Variants in CNTLN observed in about 807,000 individuals in gnomAD.
CNTLN encodes centlein.
In CNTLN, 212 loss-of-function variants were observed where a neutral mutation model predicts 180.0. That is an observed-to-expected ratio of 1.18 (90% CI 1.05 to 1.32). The LOEUF is 1.32. Ranked by LOEUF, CNTLN falls within the 40% of genes most tolerant of loss-of-function variation. The probability of loss-of-function intolerance (pLI) is 0.00; values close to 1 mark genes in which losing one functional copy is unlikely to be tolerated. For missense variants in CNTLN, 2,095 were observed against 1,610.9 expected (o/e 1.30, Z -5.14); for synonymous variants, 722 against 563.1 (o/e 1.28, Z -3.99).
chr9:17,353,622 C>T (rs1283190933), intron 12 of CNTLN, among the ~76,000 whole-genome samples: 8 of 146,020 alleles, frequency 5.5e-5, no homozygotes, highest in Non-Finnish European at 1.0e-4. Context: ...TTAACTGAGA[C>T]GGGGTCTTGC....
At chr9:17,387,922 T>C (rs1825806682) in intron 13 of CNTLN, among the ~76,000 whole-genome samples, 1 of 144,974 alleles carries the variant, frequency 6.9e-6, no homozygotes, top group African/African-American at 2.5e-5. Context: ...TGAAGATCTA[T>C]TGTACTTTTG....
chr9:17,385,230 C>A (rs1443181702), intron 13 of CNTLN, among the ~76,000 whole-genome samples: 2 of 152,186 alleles, frequency 1.3e-5, no homozygotes, highest in African/African-American at 4.8e-5. Context: ...ATGTGTTCAC[C>A]AACTTGGAAT....
At position 17,135,135 on chromosome 9, in the gene CNTLN, C is replaced by T; in HGVS notation, c.70C>T (p.Arg24Cys). The change falls in exon 1 of 26, where the codon CGT (arginine) becomes TGT (cysteine). Residue 24 changes from arginine (R) to cysteine (C), a missense_variant. Coordinates refer to ENST00000380647, the MANE Select transcript of CNTLN (RefSeq NM_017738.4). ...PARQLGPRSP[R>C]VGRGAEVHAM... ...GCGACAGCTGGGCCCCAGGTCCCCA[C>T]GTGTTGGGCGGGGAGCTGAAGTACA... is the stretch of plus-strand genomic sequence containing the variant. 1 of 1,607,624 alleles carries T rather than the reference C, an allele frequency of 6.2e-7. No homozygotes were observed. Among genetic ancestry groups the T allele is most frequent in the South Asian group, 1.1e-5 (1 of 89,586 alleles).
chr9:17,349,618 GT>G (rs1380481295), intron 12 of CNTLN, among the ~76,000 whole-genome samples: 2 of 152,082 alleles, frequency 1.3e-5, no homozygotes, highest in Admixed American at 1.3e-4. Context: ...GGAAATATTA[GT>G]TGCTGCTATC....
intron 10 of CNTLN, 94 bp from the exon 11 acceptor site, chr9:17,340,732 TC>T: frequency 1.9e-6 from 2 of 1,081,072 alleles, no homozygotes; most frequent in East Asian, 6.0e-5. Context: ...CTATTTTCTT[TC>T]AAATTTCATA....
At chr9:17,361,374 T>C (rs891755823) in intron 12 of CNTLN, among the ~76,000 whole-genome samples, 7 of 152,316 alleles carry the variant, frequency 4.6e-5, no homozygotes, top group African/African-American at 1.2e-4. Context: ...GTGTTCTCTA[T>C]TGAATGCCTC....
intron 18 of CNTLN, among the ~76,000 whole-genome samples, chr9:17,417,040 G>A (rs1049724043): frequency 6.6e-6 from 1 of 151,984 alleles, no homozygotes; most frequent in South Asian, 2.1e-4. Context: ...TAAGAATTGT[G>A]TTCTGACTTT....
At chr9:17,302,056 T>C (rs1237390119) in intron 7 of CNTLN, 22 of 984,936 alleles carry the variant, frequency 2.2e-5, no homozygotes, top group Non-Finnish European at 2.7e-5. Flanking sequence ...AGACTATTAC[T>C]ATTCATTATA....
intron 8 of CNTLN, among the ~76,000 whole-genome samples, chr9:17,311,545 C>T (rs1400583207): frequency 4.6e-5 from 7 of 150,548 alleles, no homozygotes; most frequent in Non-Finnish European, 1.0e-4. Context: ...TGCGGTGGCT[C>T]ACGCCTGTAA....
chr9:17,328,174 T>C (rs2133094396), intron 8 of CNTLN, among the ~76,000 whole-genome samples: 1 of 152,318 alleles, frequency 6.6e-6, no homozygotes, highest in East Asian at 1.9e-4. Flanking sequence ...ATCATAGATA[T>C]CTTTCCATTT....
chr9:17,232,189 T>C (rs1163265162), intron 3 of CNTLN, among the ~76,000 whole-genome samples: 2 of 152,088 alleles, frequency 1.3e-5, no homozygotes, highest in Non-Finnish European at 2.9e-5. Flanking sequence ...TTTTACACTT[T>C]TAGAGTTTAT....
At chr9:17,317,153 C>T (rs1216262915) in intron 8 of CNTLN, among the ~76,000 whole-genome samples, 1 of 151,618 alleles carries the variant, frequency 6.6e-6, no homozygotes, top group Non-Finnish European at 1.5e-5. Context: ...ATATGTCATA[C>T]ATATGTGGAG....
the CNTLN span, among the ~76,000 whole-genome samples, chr9:17,524,796 C>A: frequency 6.6e-6 from 1 of 152,086 alleles, no homozygotes; most frequent in Non-Finnish European, 1.5e-5. Context: ...AAGAATAAAA[C>A]CTTGGCTTGT....
chr9:17,416,640 T>C (rs1828277153), intron 18 of CNTLN, among the ~76,000 whole-genome samples: 1 of 152,180 alleles, frequency 6.6e-6, no homozygotes, highest in Non-Finnish European at 1.5e-5. Context: ...AAGATTTTAA[T>C]GTAAGTATCT....
chr9:17,404,714 C>T (rs928530276), intron 15 of CNTLN, among the ~76,000 whole-genome samples: 2 of 150,390 alleles, frequency 1.3e-5, no homozygotes, highest in Admixed American at 1.3e-4. Flanking sequence ...TTCCATTCAT[C>T]CCTTCATCAT....
At chr9:17,515,644 A>G in the CNTLN span, among the ~76,000 whole-genome samples, 683 of 152,186 alleles carry the variant, frequency 4.5e-3, 28 homozygotes, top group Admixed American at 0.039. Context: ...CTTTTTACTC[A>G]TACTCCCTTC....
chr9:17,349,338 G>C (rs1417469825), intron 12 of CNTLN, among the ~76,000 whole-genome samples: 1 of 152,012 alleles, frequency 6.6e-6, no homozygotes, highest in Non-Finnish European at 1.5e-5. Flanking sequence ...TTCATACTCA[G>C]TCTTAACTGT....
intron 8 of CNTLN, among the ~76,000 whole-genome samples, chr9:17,321,870 A>G (rs1819937236): frequency 6.6e-6 from 1 of 152,168 alleles, no homozygotes; most frequent in Admixed American, 6.5e-5. Context: ...ATGGAAGAAT[A>G]TCAATCTTAT....
At chr9:17,520,707 T>C in the CNTLN span, among the ~76,000 whole-genome samples, 3 of 152,224 alleles carry the variant, frequency 2.0e-5, no homozygotes, top group Non-Finnish European at 4.4e-5. Flanking sequence ...ATGAATTCAG[T>C]TCAGTAAGTT....
Sources: allele counts gnomAD v4.1 joint callset (sites outside exome capture counted in the v4.1 genomes callset), GRCh38; gene constraint gnomAD v4.1.1; transcripts MANE v1.5; gene names NCBI Gene and HGNC (gene_info 2026-07-23, HGNC 2026-07-21).